Variants in E2F5 observed in about 807,000 individuals in gnomAD.
The protein encoded by E2F5 is E2F transcription factor 5.
Under a neutral mutation model 39.1 loss-of-function variants are expected in E2F5, and 23 were observed. That is an observed-to-expected ratio of 0.59 (90% CI 0.42 to 0.83). The LOEUF (loss-of-function observed/expected upper bound fraction) is 0.83, where lower values mean the gene tolerates loss of function less well. Among genes scored for constraint, E2F5 ranks in the 40% least tolerant of loss-of-function variants. The pLI is 0.00. For synonymous variants in E2F5, 145 were observed against 157.8 expected (o/e 0.92, Z 0.61); for missense variants, 365 against 406.7 (o/e 0.90, Z 0.88).
At chr8:85,203,903 T>C (rs1587496512) in intron 3 of E2F5, among the ~76,000 whole-genome samples, 2 of 150,448 alleles carry the variant, frequency 1.3e-5, no homozygotes, top group East Asian at 1.9e-4. Context: ...ATCCATGTGT[T>C]TCTTACAAAC....
intron 1 of E2F5, among the ~76,000 whole-genome samples, chr8:85,186,014 C>T (rs7838900): frequency 0.77 from 116,521 of 152,122 alleles, 45,440 homozygotes; most frequent in African/African-American, 0.87. Context: ...ACTGGCTATA[C>T]ACCCAAAGGA....
chr8:85,209,240 C>G lies in E2F5; in HGVS notation c.714C>G (p.Pro238=). The change falls in exon 6 of 8, where the codon CCC becomes CCG. Residue 238 remains proline, a synonymous_variant. Coordinates refer to ENST00000416274, the MANE Select transcript of E2F5 (RefSeq NM_001951.4). ...LINKESSSSK[P]VVFPVPPPDD... ...ATAAAGAGTCGAGTTCATCTAAGCC[C>G]GTGGTTTTTCCTGTTCCCCCACCTG... 1 of 1,613,968 alleles carries G rather than the reference C, an allele frequency of 6.2e-7. No homozygotes were observed. The highest frequency in any genetic ancestry group is 8.5e-7 in the Non-Finnish European group (1 of 1,179,886).
At chr8:85,201,421 C>T (rs142393363) in intron 1 of E2F5, among the ~76,000 whole-genome samples, 169 of 152,316 alleles carry the variant, frequency 1.1e-3, no homozygotes, top group African/African-American at 2.6e-3. Context: ...CTTTTGGGAA[C>T]ACACATCAAA....
intron 6 of E2F5, 134 bp from the exon 7 acceptor site, chr8:85,212,023 A>C: frequency 4.8e-6 from 3 of 630,742 alleles, no homozygotes; most frequent in Non-Finnish European, 5.4e-6. Flanking sequence ...TCATGAAAAC[A>C]ACCTGTCCAC....
At chr8:85,202,389 C>A (rs1220400266) in intron 2 of E2F5, 133 bp downstream of exon 2, 1 of 627,378 alleles carries the variant, frequency 1.6e-6, no homozygotes, top group African/African-American at 1.9e-5. Flanking sequence ...CTGAACACAC[C>A]TTTCTGGGCC....
At position 85,177,628 on chromosome 8, in the gene E2F5, A is replaced by C; in HGVS notation, c.208A>C (p.Lys70Gln). 1 of 1,296,198 alleles carries C rather than the reference A, an allele frequency of 7.7e-7. No individual in the cohort carries two copies. The highest frequency in any genetic ancestry group is 9.8e-7 in the Non-Finnish European group (1 of 1,017,614). The allele number at this position is 1,296,198 out of a possible 1,614,324, so 80.3% of individuals were successfully genotyped here. ...GTTCGTGTCGCTGCTGCAGGAGGCCAAGGACGGCGTTCTGGATCTCAAAGC... is the reference window on the plus strand; with the variant it reads ...GTTCGTGTCGCTGCTGCAGGAGGCCCAGGACGGCGTTCTGGATCTCAAAGC... ...TKFVSLLQEA[K>Q]DGVLDLKAAA... Residue 70 changes from lysine (K) to glutamine (Q), a missense_variant, in exon 1 of 8, where the codon AAG (lysine) becomes CAG (glutamine). Physicochemically the swap from Lys to Gln is moderately conservative, Grantham distance 53. Transcript: ENST00000416274.
intron 1 of E2F5, among the ~76,000 whole-genome samples, chr8:85,188,706 C>G (rs2136044828): frequency 6.6e-6 from 1 of 152,274 alleles, no homozygotes; most frequent in East Asian, 1.9e-4. Flanking sequence ...CTGCTTGGCA[C>G]CAGGCTGGAT....
At chr8:85,181,369 C>T (rs1255818985) in intron 1 of E2F5, among the ~76,000 whole-genome samples, 1 of 151,774 alleles carries the variant, frequency 6.6e-6, no homozygotes, top group Non-Finnish European at 1.5e-5. Flanking sequence ...CTCACTCTGT[C>T]ACCCAAGCTG....
At chr8:85,203,644 A>G (rs1341901593) in intron 3 of E2F5, among the ~76,000 whole-genome samples, 3 of 151,568 alleles carry the variant, frequency 2.0e-5, no homozygotes, top group African/African-American at 7.3e-5. Flanking sequence ...GCAGCTCTCA[A>G]AGTTTTGAAA....
At position 85,214,265 on chromosome 8, in the gene E2F5, C is replaced by T. The variant is rs977570772; in HGVS notation, c.*403C>T. 3.6e-6 allele frequency: 2 copies of T among 562,558 alleles called. No homozygotes were observed. Among genetic ancestry groups the T allele is most frequent in the Non-Finnish European group, 6.6e-6 (2 of 302,442 alleles). The allele number at this position is 562,558 out of a possible 1,614,324, so 34.8% of individuals were successfully genotyped here. ...CTAAACTGCCTGTATTTCTGTATGT[C>T]CTTCTATCCAAACAGACGTTCACTG... On this transcript the variant is annotated 3_prime_UTR_variant, in exon 8 of 8. Coordinates refer to ENST00000416274, the MANE Select transcript of E2F5 (RefSeq NM_001951.4).
chr8:85,212,208 A>T lies in E2F5; in HGVS notation c.931+4A>T, dbSNP rs752791569. On this transcript the variant is annotated splice_donor_region_variant and intron_variant, in intron 7 of 7. Coordinates refer to ENST00000416274, the MANE Select transcript of E2F5 (RefSeq NM_001951.4). ...GATGAGTTAATGTCTTCTGACGGTA[A>T]GTAGGTTAAAATTTTACTAACTCAC... 5.2e-5 allele frequency: 84 copies of T among 1,604,362 alleles called. No individual in the cohort carries two copies. In the Admixed American group the frequency reaches 1.3e-3, roughly 26 times the overall value.
chr8:85,193,064 C>A (rs1168461945), intron 1 of E2F5, among the ~76,000 whole-genome samples: 1 of 152,168 alleles, frequency 6.6e-6, no homozygotes, highest in Non-Finnish European at 1.5e-5. Context: ...GAGATGGATA[C>A]ATACATGTAT....
chr8:85,195,654 T>C (rs1334902823), intron 1 of E2F5, among the ~76,000 whole-genome samples: 2 of 151,950 alleles, frequency 1.3e-5, no homozygotes, highest in Non-Finnish European at 1.5e-5. Flanking sequence ...CTTGTCTGGC[T>C]AATTTTTTTA....
chr8:85,211,187 A>G (rs1050517726), intron 6 of E2F5, among the ~76,000 whole-genome samples: 3 of 149,976 alleles, frequency 2.0e-5, no homozygotes. Context: ...GGAATTTGAG[A>G]CCAACCTGGG....
rs758656249 is a variant in E2F5, at chr8:85,213,791, GACT to G, written c.973_975del (p.Tyr325del). On this transcript the variant is annotated inframe_deletion, in exon 8 of 8. Transcript: ENST00000416274. ...AAGGCTTTCTCCTACCCCGGCAGAT[GACT>G]ACAACTTTAATTTAGATGATAACGA... The G allele has an allele frequency of 2.5e-6, 4 of 1,613,330 alleles. No individual in the cohort carries two copies. Among genetic ancestry groups the G allele is most frequent in the Middle Eastern group, 1.7e-4 (1 of 6,050 alleles).
Position 85,177,647 on chromosome 8 carries a change from T to A in E2F5, c.227T>A (p.Leu76His). ...GAGGCCAAGGACGGCGTTCTGGATC[T>A]CAAAGCGGTGAGCTCCGGAGGCGGG... ...LQEAKDGVLD[L>H]KAAADTLAVR... The change falls in exon 1 of 8, where the codon CTC becomes CAC. Residue 76 changes from leucine (L) to histidine (H), a missense_variant. By Grantham distance (99) the Leu-to-His change is moderately conservative (BLOSUM62 -3). Transcript: ENST00000416274. 1 of 1,291,454 alleles carries A rather than the reference T, an allele frequency of 7.7e-7. No homozygotes were observed. Among genetic ancestry groups the A allele is most frequent in the Non-Finnish European group, 9.8e-7 (1 of 1,015,704 alleles). The allele number at this position is 1,291,454 out of a possible 1,614,324, so 80.0% of individuals were successfully genotyped here. A position where few individuals can be genotyped will look rare whatever the true frequency, so the allele number is the denominator to read the frequency against.
chr8:85,213,915 ACTT>A lies in E2F5; in HGVS notation c.*57_*59del, dbSNP rs977120965. ...TACCTCTAACTGTGTAACATTTTAG[ACTT>A]CTTAATAACCTAAATATTTAAAATA... On this transcript the variant is annotated 3_prime_UTR_variant, in exon 8 of 8. Transcript: ENST00000416274. The A allele has an allele frequency of 5.7e-5, 58 of 1,024,720 alleles. 1 individual carries two copies. Among genetic ancestry groups the A allele is most frequent in the East Asian group, 3.1e-4 (13 of 41,868 alleles). The allele number at this position is 1,024,720 out of a possible 1,614,324, so 63.5% of individuals were successfully genotyped here. A position where few individuals can be genotyped will look rare whatever the true frequency, so the allele number is the denominator to read the frequency against.
intron 6 of E2F5, among the ~76,000 whole-genome samples, chr8:85,211,913 A>T (rs1812933183): frequency 6.6e-6 from 1 of 151,988 alleles, no homozygotes; most frequent in African/African-American, 2.4e-5. Context: ...AAAGTGCTAG[A>T]ATTATAAGCA....
chr8:85,205,391 A>G (rs1011263047), intron 3 of E2F5, among the ~76,000 whole-genome samples: 1 of 152,018 alleles, frequency 6.6e-6, no homozygotes, highest in East Asian at 1.9e-4. Context: ...GCTCACCACC[A>G]TGCCCTGCTA....
Sources: gnomAD v4.1 joint callset for allele counts (sites outside exome capture counted in the v4.1 genomes callset) on GRCh38, gnomAD v4.1.1 for gene constraint, MANE v1.5 for transcripts, NCBI Gene and HGNC (gene_info 2026-07-23, HGNC 2026-07-21) for gene names.